The following NCAM1 variants were observed in gnomAD, a reference collection of about 807,000 sequenced individuals.
NCAM1 encodes the protein antigen recognized by monoclonal antibody 5.1H11.
Under a neutral mutation model 109.8 loss-of-function variants are expected in NCAM1, and 14 were observed. The ratio of observed to expected loss-of-function variants is 0.13; its 90% confidence interval spans 0.08 to 0.20. NCAM1 has a LOEUF of 0.20. Ranked by LOEUF, NCAM1 falls within the 10% of genes least tolerant of loss-of-function variation. The probability of loss-of-function intolerance (pLI) is 1.00; values close to 1 mark genes in which losing one functional copy is unlikely to be tolerated. For missense variants in NCAM1, 774 were observed against 1,109.9 expected, an observed-to-expected ratio of 0.70 and a Z score of 4.30; for synonymous variants, 418 against 442.9, an observed-to-expected ratio of 0.94 and a Z score of 0.70.
chr11:113,161,566 G>A (rs892813249), intron 1 of NCAM1, among the ~76,000 whole-genome samples: 10 of 152,050 alleles, frequency 6.6e-5, no homozygotes, highest in African/African-American at 2.4e-4. Context: ...TTGTAATCAG[G>A]TTAAACCTCT....
At chr11:113,259,926 A>G (rs531212063) in intron 16 of NCAM1, among the ~76,000 whole-genome samples, 1 of 150,248 alleles carries the variant, frequency 6.7e-6, no homozygotes, top group African/African-American at 2.5e-5. Context: ...CTGGTCTTGA[A>G]CTCCTGACCT....
Position 113,204,443 on chromosome 11 carries a change from G to C in NCAM1, c.285G>C (p.Lys95Asn). The C allele has an allele frequency of 1.2e-6, 2 of 1,614,014 alleles. No homozygotes were observed. The highest frequency in any genetic ancestry group is 1.7e-6 in the Non-Finnish European group (2 of 1,179,890). Residue 95 changes from lysine (K) to asparagine (N), a missense_variant, in exon 3 of 20, where the codon AAG (lysine) becomes AAC (asparagine). Physicochemically the swap from Lys to Asn is moderately conservative, Grantham distance 94. Coordinates refer to ENST00000316851, the MANE Select transcript of NCAM1 (RefSeq NM_181351.5). ...ACATCGACGACGCCGGCATTTACAA[G>C]TGTGTGGTTACAGGCGAGGATGGCA... Reference protein sequence around the residue: ...NANIDDAGIYKCVVTGEDGSE... With the variant: ...NANIDDAGIYNCVVTGEDGSE...
intron 1 of NCAM1, among the ~76,000 whole-genome samples, chr11:112,987,644 C>CT (rs1487648952): frequency 1.3e-5 from 2 of 151,774 alleles, no homozygotes; most frequent in Non-Finnish European, 2.9e-5. Flanking sequence ...ATGTAATGGC[C>CT]TTTTTTGTCT....
chr11:113,007,439 A>G (rs1555073506), intron 1 of NCAM1, among the ~76,000 whole-genome samples: 1 of 152,232 alleles, frequency 6.6e-6, no homozygotes, highest in African/African-American at 2.4e-5. Flanking sequence ...AAACAAAACA[A>G]TGCAAATAAA....
intron 1 of NCAM1, among the ~76,000 whole-genome samples, chr11:113,072,512 T>A (rs1271158982): frequency 6.6e-6 from 1 of 152,114 alleles, no homozygotes; most frequent in Non-Finnish European, 1.5e-5. Flanking sequence ...GCCAAATAAA[T>A]CTAGACTGGA....
chr11:112,998,038 G>T (rs1251926519), intron 1 of NCAM1, among the ~76,000 whole-genome samples: 1 of 152,144 alleles, frequency 6.6e-6, no homozygotes, highest in African/African-American at 2.4e-5. Context: ...GGGCAGAGCT[G>T]GGGTTAGATT....
At chr11:113,231,513 G>T in intron 9 of NCAM1, 132 bp from the exon 10 acceptor site, 1 of 997,886 alleles carries the variant, frequency 1.0e-6, no homozygotes, top group Non-Finnish European at 1.5e-6. Flanking sequence ...TTGACACAGA[G>T]AGGAGAGAGG....
chr11:112,966,515 C>G (rs1950732488), intron 1 of NCAM1, among the ~76,000 whole-genome samples: 1 of 152,192 alleles, frequency 6.6e-6, no homozygotes, highest in South Asian at 2.1e-4. Flanking sequence ...GATATGCTTA[C>G]TACTTACTGT....
rs782716432 is a variant in NCAM1 at position 113,270,193 on chromosome 11, G to A, written c.2137G>A (p.Gly713Ser). The stretch of plus-strand genomic sequence containing the variant: ...CCATCTCTCTCCCACTCAAGCCAAC[G>A]GCAGCCCCACCTCAGGCCTGAGCAC... ...SAQPTAIPAN[G>S]SPTSGLSTGA... Residue 713 changes from glycine (G) to serine (S), a missense_variant, in exon 18 of 20, where the codon GGC (glycine) becomes AGC (serine). Gly to Ser is a moderately conservative substitution (Grantham distance 56). Transcript: ENST00000316851. The A allele has an allele frequency of 3.5e-5, 56 of 1,613,768 alleles. 1 individual carries two copies. Among genetic ancestry groups the A allele is most frequent in the East Asian group, 6.7e-5 (3 of 44,890 alleles).
chr11:113,072,979 T>C (rs1938354614), intron 1 of NCAM1, among the ~76,000 whole-genome samples: 1 of 152,150 alleles, frequency 6.6e-6, no homozygotes, highest in Admixed American at 6.5e-5. Flanking sequence ...TTTCATTTTG[T>C]AAAACCAAAA....
intron 1 of NCAM1, among the ~76,000 whole-genome samples, chr11:113,017,347 A>G (rs1394389979): frequency 6.6e-6 from 1 of 152,238 alleles, no homozygotes. Flanking sequence ...AAAGGCAGAT[A>G]CAAAGTTATT....
rs1251725107 is a variant in NCAM1, at chr11:113,275,310, A to ACGAAGCCAGCGCCAGC, written c.2506_2521dup (p.Val841AlafsTer12). 6.2e-7 allele frequency: 1 copy of ACGAAGCCAGCGCCAGC among 1,613,720 alleles called. No homozygotes were observed. Among genetic ancestry groups the ACGAAGCCAGCGCCAGC allele is most frequent in the African/African-American group, 1.3e-5 (1 of 74,894 alleles). On this transcript the variant is annotated frameshift_variant, in exon 20 of 20. Coordinates refer to ENST00000316851, the MANE Select transcript of NCAM1 (RefSeq NM_181351.5). LOFTEE classifies it high-confidence loss of function. ...AAAGCCAGAGTGCCAGGAGACAGAA[A>ACGAAGCCAGCGCCAGC]CGAAGCCAGCGCCAGCCGAAGTCAA... is the stretch of plus-strand genomic sequence containing the variant.
intron 1 of NCAM1, among the ~76,000 whole-genome samples, chr11:113,139,330 G>A (rs1555099984): frequency 1.3e-5 from 2 of 152,126 alleles, no homozygotes; most frequent in Non-Finnish European, 2.9e-5. Flanking sequence ...ACAGCAGGAT[G>A]TGATCACTCA....
In NCAM1 at chr11:113,255,314, C is replaced by T. The variant is rs181330404; in HGVS notation, c.1829-563C>T. ...AACCGGAAACTTCTTATTTTTTAAA[C>T]GAATCTAAGTAATAAAATGTCGTTC... On this transcript the variant is annotated intron_variant, in intron 15 of 19. Transcript: ENST00000316851. Among the ~76,000 whole-genome samples, 6 of 152,110 alleles carry T rather than the reference C, an allele frequency of 3.9e-5. No homozygotes were observed. In the East Asian group the frequency reaches 9.7e-4, roughly 25 times the overall value.
At chr11:113,073,238 TA>T (rs372151554) in intron 1 of NCAM1, among the ~76,000 whole-genome samples, 31 of 152,332 alleles carry the variant, frequency 2.0e-4, no homozygotes, top group African/African-American at 6.7e-4. Context: ...TTCTTGCCTT[TA>T]TTTTATACTA....
In NCAM1 at chr11:113,274,173, G is replaced by A. The variant is rs1236285172; in HGVS notation, c.2457-1094G>A. On this transcript the variant is annotated intron_variant, in intron 19 of 19. Transcript: ENST00000316851. The surrounding 1 kb of genome is among the most constrained non-coding windows in gnomAD (Gnocchi z 4.1). Reference sequence around the variant, plus strand: ...TGATGTGCAGGAAGAAAAGAGGTAGGCCCCAGGCCCGTGGCAGGGGAGGGT... The same window carrying A: ...TGATGTGCAGGAAGAAAAGAGGTAGACCCCAGGCCCGTGGCAGGGGAGGGT... Among the ~76,000 whole-genome samples the A allele has an allele frequency of 5.9e-5, 9 of 152,240 alleles. No homozygotes were observed. Among genetic ancestry groups the A allele is most frequent in the African/African-American group, 1.7e-4 (7 of 41,546 alleles).
At chr11:113,228,120 G>T (rs917279205) in intron 9 of NCAM1, among the ~76,000 whole-genome samples, 1 of 152,082 alleles carries the variant, frequency 6.6e-6, no homozygotes, top group East Asian at 1.9e-4. Context: ...GGTTATTCAA[G>T]TAGGAAAAGA....
At chr11:113,173,164 T>A (rs956714666) in intron 1 of NCAM1, among the ~76,000 whole-genome samples, 1 of 152,180 alleles carries the variant, frequency 6.6e-6, no homozygotes, top group Non-Finnish European at 1.5e-5. Context: ...TCTTATTACA[T>A]TAGCCATGTT....
At chr11:113,202,306 A>G in intron 1 of NCAM1, 73 bp from the exon 2 acceptor site, 1 of 1,391,664 alleles carries the variant, frequency 7.2e-7, no homozygotes, top group Non-Finnish European at 9.8e-7. Context: ...GAACATTGGA[A>G]TGTACGTTTG....
Sources: gnomAD v4.1 joint callset for allele counts (sites outside exome capture counted in the v4.1 genomes callset) on GRCh38, gnomAD v4.1.1 for gene constraint, Gnocchi (gnomAD v3.1) non-coding constraint, MANE v1.5 for transcripts, NCBI Gene and HGNC (gene_info 2026-07-23, HGNC 2026-07-21) for gene names.